The following ZNF680 variants were observed in gnomAD, a reference collection of about 807,000 sequenced individuals.
The protein encoded by ZNF680 is zinc finger protein 680, also known as hypothetical protein FLJ90430.
In ZNF680, 6 loss-of-function variants were observed where a neutral mutation model predicts 12.1. The ratio of observed to expected loss-of-function variants is 0.49; its 90% CI spans 0.27 to 0.98. The LOEUF is 0.98. Ranked by LOEUF, ZNF680 falls within the 50% of genes least tolerant of loss-of-function variation. The pLI is 0.12. For synonymous variants in ZNF680, 170 were observed against 199.3 expected, an observed-to-expected ratio of 0.85 and a Z score of 1.24; for missense variants, 561 against 616.3, an observed-to-expected ratio of 0.91 and a Z score of 0.95.
intron 1 of ZNF680, among the ~76,000 whole-genome samples, chr7:64,546,868 G>T (rs993558085): frequency 5.3e-5 from 8 of 152,022 alleles, no homozygotes; most frequent in Non-Finnish European, 7.4e-5. Flanking sequence ...GAACAGAACA[G>T]GCCCTGTGAC....
intron 1 of ZNF680, among the ~76,000 whole-genome samples, chr7:64,562,712 T>A (rs1022653530): frequency 6.6e-6 from 1 of 152,186 alleles, no homozygotes; most frequent in Non-Finnish European, 1.5e-5. Context: ...GCACAGTCAC[T>A]GCGCAGGGAG....
intron 1 of ZNF680, among the ~76,000 whole-genome samples, chr7:64,546,430 G>A (rs1562766269): frequency 6.6e-6 from 1 of 152,080 alleles, no homozygotes; most frequent in Non-Finnish European, 1.5e-5. Flanking sequence ...ACAATGAGAC[G>A]CTCCATGAAG....
chr7:64,555,767 T>C (rs1236745235), intron 1 of ZNF680, among the ~76,000 whole-genome samples: 1 of 149,128 alleles, frequency 6.7e-6, no homozygotes, highest in Non-Finnish European at 1.5e-5. Context: ...GATAAACCAC[T>C]AGCTACAATA....
intron 1 of ZNF680, among the ~76,000 whole-genome samples, chr7:64,553,638 C>T (rs963202271): frequency 2.0e-5 from 3 of 151,726 alleles, no homozygotes; most frequent in African/African-American, 4.8e-5. Context: ...GATGCCAAGC[C>T]GAGGCTGGAC....
rs1331036065 is a variant in ZNF680, at chr7:64,520,451, TTAGTG to T, written c.*705_*709del. 1 of 151,832 alleles carries T rather than the reference TTAGTG, an allele frequency of 6.6e-6. No individual in the cohort carries two copies. The highest frequency in any genetic ancestry group is 1.5e-5 in the Non-Finnish European group (1 of 67,742). The allele number at this position is 151,832 out of a possible 1,614,324, so 9.4% of individuals were successfully genotyped here. A position where few individuals can be genotyped will look rare whatever the true frequency, so the allele number is the denominator to read the frequency against. ...ATTTTTTTATACTCAACACTCTGTT[TTAGTG>T]TAATGTCTAAAGTGTCAGTGCCTTA... On this transcript the variant is annotated 3_prime_UTR_variant, in exon 4 of 4. Coordinates refer to ENST00000309683, the MANE Select transcript of ZNF680 (RefSeq NM_178558.5).
chr7:64,544,174 G>T (rs1322286746), intron 2 of ZNF680, 132 bp downstream of exon 2: 2 of 1,352,486 alleles, frequency 1.5e-6, no homozygotes, highest in Non-Finnish European at 2.0e-6. Context: ...CATGGACAAA[G>T]CTCAAAGATT....
At chr7:64,525,710 A>G (rs1277930228) in intron 3 of ZNF680, 6 of 828,092 alleles carry the variant, frequency 7.2e-6, no homozygotes, top group Admixed American at 6.2e-5. Context: ...AGACATACCT[A>G]AAAGAGATTA....
the ZNF680 span, among the ~76,000 whole-genome samples, chr7:64,506,843 T>C: frequency 6.6e-6 from 1 of 152,214 alleles, no homozygotes; most frequent in African/African-American, 2.4e-5. Context: ...GCTCTGTTTC[T>C]TCCTCTGGTA....
At chr7:64,544,126 C>A in intron 2 of ZNF680, 180 bp downstream of exon 2, 1 of 843,884 alleles carries the variant, frequency 1.2e-6, no homozygotes, top group South Asian at 1.8e-5. Context: ...GTGGAAAGTT[C>A]AGGTCAAGAT....
chr7:64,509,071 T>C, the ZNF680 span, among the ~76,000 whole-genome samples: 1 of 152,118 alleles, frequency 6.6e-6, no homozygotes, highest in Non-Finnish European at 1.5e-5. Context: ...CATGTAAAAG[T>C]TCAGCATTGT....
At chr7:64,519,381 T>C (rs1055938805), downstream of ZNF680, among the ~76,000 whole-genome samples, 4 of 151,924 alleles carry the variant, frequency 2.6e-5, no homozygotes, top group African/African-American at 9.7e-5. Context: ...AATTTTACAC[T>C]TCTGGTGTGA....
At chr7:64,524,013 G>A (rs1165981994) in intron 3 of ZNF680, among the ~76,000 whole-genome samples, 1 of 151,692 alleles carries the variant, frequency 6.6e-6, no homozygotes, top group African/African-American at 2.4e-5. Flanking sequence ...CAAGACAAAA[G>A]TACACATTTC....
At chr7:64,523,791 T>C (rs1401752442) in intron 3 of ZNF680, among the ~76,000 whole-genome samples, 2 of 151,746 alleles carry the variant, frequency 1.3e-5, no homozygotes, top group East Asian at 3.9e-4. Flanking sequence ...TGGGCGCCTG[T>C]AGTCCCAGCT....
At chr7:64,556,001 C>CAA (rs141632089) in intron 1 of ZNF680, among the ~76,000 whole-genome samples, 10 of 150,408 alleles carry the variant, frequency 6.6e-5, no homozygotes, top group East Asian at 3.9e-4. Flanking sequence ...AAGGCCAAAT[C>CAA]AAAAAAAATC....
In ZNF680 at chr7:64,535,479, C is replaced by T. The variant is rs922443583; in HGVS notation, c.253+8228G>A. ...GAGAGAAAGAGAAAAAGAAATAAGA[C>T]GCCTGAATGGCTTCAGTAAAAAAGC... On this transcript the variant is annotated intron_variant, in intron 3 of 3. Coordinates refer to ENST00000309683, the MANE Select transcript of ZNF680 (RefSeq NM_178558.5). Among the ~76,000 whole-genome samples, 15 of 151,910 alleles carry T rather than the reference C, an allele frequency of 9.9e-5. No homozygotes were observed. In the East Asian group the frequency reaches 2.1e-3, roughly 22 times the overall value.
intron 1 of ZNF680, among the ~76,000 whole-genome samples, chr7:64,556,456 A>G (rs1787422479): frequency 6.6e-6 from 1 of 152,104 alleles, no homozygotes; most frequent in Admixed American, 6.6e-5. Context: ...ATGGAACAGA[A>G]TAAGAGAGCC....
intron 1 of ZNF680, among the ~76,000 whole-genome samples, chr7:64,544,927 C>T (rs2116495120): frequency 6.6e-6 from 1 of 152,150 alleles, no homozygotes; most frequent in Non-Finnish European, 1.5e-5. Flanking sequence ...ATGTTTTTGG[C>T]CCAAGAAGAG....
At position 64,554,452 on chromosome 7, in the gene ZNF680, T is replaced by TG. The variant is rs1038434563; in HGVS notation, c.30+8472dup. Among the ~76,000 whole-genome samples, 89 of 148,376 alleles carry TG rather than the reference T, an allele frequency of 6.0e-4. 1 individual carries two copies. The Middle Eastern group carries it at 0.025, about 41-fold the overall frequency. On this transcript the variant is annotated intron_variant, in intron 1 of 3. Transcript: ENST00000309683. The stretch of plus-strand genomic sequence containing the variant: ...CCCGGCCGCTGCCCCGTCTGGGAGG[T>TG]GGGGGGGCGCCTCTGACCGGCTGCC...
chr7:64,500,461 G>GA, the ZNF680 span, among the ~76,000 whole-genome samples: 10 of 151,784 alleles, frequency 6.6e-5, no homozygotes, highest in East Asian at 9.7e-4. Context: ...GCCCTATGGG[G>GA]AAAAAAAAGG....
Sources: allele counts gnomAD v4.1 joint callset (sites outside exome capture counted in the v4.1 genomes callset), GRCh38; gene constraint gnomAD v4.1.1; transcripts MANE v1.5; gene names NCBI Gene and HGNC (gene_info 2026-07-23, HGNC 2026-07-21).